CA14: variants seen among roughly 807,000 people sequenced by gnomAD.
CA14 encodes the protein carbonic anhydrase 14, also known as CA-XIV.
A neutral mutation model predicts 48.8 loss-of-function variants in CA14; 44 were observed. The ratio of observed to expected loss-of-function variants is 0.90; its 90% CI spans 0.71 to 1.16. The LOEUF is 1.16. Ranked by LOEUF, CA14 falls within the 50% of genes most tolerant of loss-of-function variation. The pLI is 0.00. For missense variants in CA14, 386 were observed against 401.0 expected (o/e 0.96, Z 0.32); for synonymous variants, 154 against 155.0 (o/e 0.99, Z 0.05).
intron 1 of CA14, 108 bp from the exon 2 acceptor site, chr1:150,260,043 G>A: frequency 1.9e-6 from 2 of 1,055,974 alleles, no homozygotes; most frequent in Non-Finnish European, 2.9e-6. Context: ...AGGAGAGACT[G>A]CAGAGAGGGA....
At chr1:150,263,956 C>A in intron 10 of CA14, 78 bp downstream of exon 10, 1 of 993,546 alleles carries the variant, frequency 1.0e-6, no homozygotes, top group Non-Finnish European at 1.5e-6. Flanking sequence ...CGGAGTCTTG[C>A]TCTGTTACTC....
At chr1:150,260,051 G>A in intron 1 of CA14, 100 bp from the exon 2 acceptor site, 2 of 1,122,840 alleles carry the variant, frequency 1.8e-6, no homozygotes, top group Admixed American at 3.7e-5. Flanking sequence ...CTGCAGAGAG[G>A]GAGGTGGAGC....
intron 1 of CA14, among the ~76,000 whole-genome samples, 179 bp from the exon 2 acceptor site, chr1:150,259,972 C>A (rs900195417): frequency 6.6e-6 from 1 of 152,200 alleles, no homozygotes; most frequent in Non-Finnish European, 1.5e-5. Context: ...ATAGGCCCCC[C>A]GACCTTTCCA....
intron 2 of CA14, 176 bp downstream of exon 2, chr1:150,260,347 A>C (rs781825312): frequency 1.1e-5 from 8 of 715,020 alleles, no homozygotes; most frequent in Admixed American, 2.0e-5. Flanking sequence ...TCCTGCTCTA[A>C]TCATCAAATC....
chr1:150,262,942 A>G, intron 6 of CA14, 72 bp downstream of exon 6: 1 of 1,578,544 alleles, frequency 6.3e-7, no homozygotes, highest in Non-Finnish European at 8.7e-7. Context: ...CCTTGGGATG[A>G]AGCAATTACA....
intron 2 of CA14, 187 bp from the exon 3 acceptor site, chr1:150,261,272 G>C (rs1254066177): frequency 1.2e-5 from 7 of 586,782 alleles, no homozygotes; most frequent in African/African-American, 1.9e-5. Context: ...TGCAGCATGA[G>C]ACTCAACAGG....
chr1:150,262,353 C>A, intron 4 of CA14, 53 bp downstream of exon 4: 1 of 1,563,718 alleles, frequency 6.4e-7, no homozygotes, highest in South Asian at 1.2e-5. Flanking sequence ...GATGGGTGGT[C>A]CTGGGGAAAG....
intron 2 of CA14, chr1:150,261,149 T>C (rs1650997567): frequency 2.7e-6 from 1 of 366,420 alleles, no homozygotes; most frequent in Non-Finnish European, 5.0e-6. Flanking sequence ...GCATCCCCTC[T>C]GCCCTCATTC....
intron 1 of CA14, among the ~76,000 whole-genome samples, chr1:150,259,874 T>C (rs1235977011): frequency 6.6e-6 from 1 of 150,422 alleles, no homozygotes; most frequent in South Asian, 2.1e-4. Flanking sequence ...TGGATCCAGG[T>C]TAATTTTAGT....
At chr1:150,263,915 CTTTTTT>C (rs34291619) in intron 10 of CA14, 37 bp downstream of exon 10, 5 of 859,870 alleles carry the variant, frequency 5.8e-6, no homozygotes, top group Non-Finnish European at 6.8e-6. Flanking sequence ...GTCCCTTCTT[CTTTTTT>C]TTTTTTTTTT....
At chr1:150,261,084 C>G (rs1388110127) in intron 2 of CA14, 2 of 190,878 alleles carry the variant, frequency 1.0e-5, no homozygotes, top group Non-Finnish European at 2.2e-5. Context: ...TTATTTCTCC[C>G]ATTTTTCTAC....
Position 150,260,751 on chromosome 1 carries a change from G to GATTTTTTTTTTTTTTTTTTTTTTTTTTT in CA14, c.76+580_76+581insATTTTTTTTTTTTTTTTTTTTTTTTTTT. 2.9e-5 allele frequency: 3 copies of GATTTTTTTTTTTTTTTTTTTTTTTTTTT among 104,848 alleles called. 1 individual carries two copies. Among genetic ancestry groups the GATTTTTTTTTTTTTTTTTTTTTTTTTTT allele is most frequent in the South Asian group, 5.9e-4 (2 of 3,362 alleles). The allele number at this position is 104,848 out of a possible 1,614,324, so 6.5% of individuals were successfully genotyped here. On this transcript the variant is annotated intron_variant, in intron 2 of 10. Transcript: ENST00000369111. ...CCTCCAGGAGACCGTATCTCTCTAG[G>GATTTTTTTTTTTTTTTTTTTTTTTTTTT]TTATTTTTTTTTTTTTTTTTTTTTT...
rs375075366 is a variant in CA14 at position 150,261,425 on chromosome 1, G to A, written c.77-34G>A. 9.4e-6 allele frequency: 15 copies of A among 1,599,696 alleles called. No individual in the cohort carries two copies. In the African/African-American group the frequency reaches 1.9e-4, roughly 20 times the overall value. On this transcript the variant is annotated intron_variant, in intron 2 of 10. Coordinates refer to ENST00000369111, the MANE Select transcript of CA14 (RefSeq NM_012113.3). ...CTGTTGAAGGGTAGCTAGAGCTGGA[G>A]GACAGGACCAATGTCTTTGGTAACC... is the stretch of plus-strand genomic sequence containing the variant.
rs1169996235 is a variant in CA14, at chr1:150,262,446, G to A, written c.400-79G>A. 1.2e-5 allele frequency: 17 copies of A among 1,476,168 alleles called. No individual in the cohort carries two copies. In the South Asian group the frequency reaches 1.3e-4, roughly 11 times the overall value. The allele number at this position is 1,476,168 out of a possible 1,614,324, so 91.4% of individuals were successfully genotyped here. A position where few individuals can be genotyped will look rare whatever the true frequency, so the allele number is the denominator to read the frequency against. On this transcript the variant is annotated intron_variant, in intron 4 of 10. Coordinates refer to ENST00000369111, the MANE Select transcript of CA14 (RefSeq NM_012113.3). ...ACTTAGTGCCTGCCGGGGACAGCGGGGGGATGGTGGCAGCTAGGATCAAGG... is the reference window on the plus strand; with the variant it reads ...ACTTAGTGCCTGCCGGGGACAGCGGAGGGATGGTGGCAGCTAGGATCAAGG...
At chr1:150,258,400 C>T (rs77154154) in intron 1 of CA14, among the ~76,000 whole-genome samples, 4,804 of 152,230 alleles carry the variant, frequency 0.032, 111 homozygotes, top group Middle Eastern at 0.054. Context: ...GGAGAACTAG[C>T]GGCAGGCAGG....
chr1:150,262,040 G>A (rs1419226182), intron 3 of CA14, 118 bp from the exon 4 acceptor site: 16 of 1,148,612 alleles, frequency 1.4e-5, no homozygotes, highest in Non-Finnish European at 2.1e-5. Flanking sequence ...GGAGGAACTG[G>A]GTGCTACTGG....
intron 10 of CA14, among the ~76,000 whole-genome samples, chr1:150,264,248 GGCTGGAGT>G (rs1170716062): frequency 6.6e-6 from 1 of 150,926 alleles, no homozygotes; most frequent in African/African-American, 2.4e-5. Context: ...CTGTTGTCGA[GGCTGGAGT>G]GCATGGCTTT....
intron 10 of CA14, 129 bp from the exon 11 acceptor site, chr1:150,264,464 A>C (rs1432828092): frequency 1.7e-6 from 1 of 594,912 alleles, no homozygotes; most frequent in East Asian, 2.9e-5. Flanking sequence ...CAGCCTCCCA[A>C]AGTGCTGGGA....
At chr1:150,260,285 C>G (rs782810516) in intron 2 of CA14, 114 bp downstream of exon 2, 1 of 1,010,150 alleles carries the variant, frequency 9.9e-7, no homozygotes, top group Middle Eastern at 2.0e-4. Context: ...CACCCTAGCT[C>G]CTCCCTTCTG....
Sources: allele counts gnomAD v4.1 joint callset (sites outside exome capture counted in the v4.1 genomes callset), GRCh38; gene constraint gnomAD v4.1.1; transcripts MANE v1.5; gene names NCBI Gene and HGNC (gene_info 2026-07-23, HGNC 2026-07-21).